The following ARL15 variants were observed in gnomAD, a reference collection of about 807,000 sequenced individuals.
The protein encoded by ARL15 is ADP-ribosylation factor-like protein 15.
Under a neutral mutation model 25.2 loss-of-function variants are expected in ARL15, and 19 were observed. The observed-to-expected ratio is 0.75, with a 90% confidence interval of 0.53 to 1.10. ARL15 has a LOEUF of 1.10. Among genes scored for constraint, ARL15 ranks in the 50% least tolerant of loss-of-function variants. The pLI is 0.00. For synonymous variants in ARL15, 94 were observed against 86.8 expected (o/e 1.08, Z -0.46); for missense variants, 220 against 246.0 (o/e 0.89, Z 0.71).
chr5:54,181,942 G>A (rs1056843631), intron 1 of ARL15, among the ~76,000 whole-genome samples: 5 of 117,630 alleles, frequency 4.3e-5, no homozygotes, highest in East Asian at 5.8e-4. Context: ...CTGCATAAAT[G>A]TCTTCTTTTG....
At chr5:54,090,496 A>G (rs1752098167) in intron 4 of ARL15, among the ~76,000 whole-genome samples, 1 of 151,972 alleles carries the variant, frequency 6.6e-6, no homozygotes, top group Non-Finnish European at 1.5e-5. Context: ...TAGAGGATGC[A>G]TGAAAATGAG....
intron 1 of ARL15, among the ~76,000 whole-genome samples, chr5:54,173,693 T>C (rs977883119): frequency 6.6e-6 from 1 of 152,024 alleles, no homozygotes; most frequent in Non-Finnish European, 1.5e-5. Flanking sequence ...CCCCCTATTC[T>C]CCACATTGCA....
chr5:54,111,257 C>T (rs779637498), intron 4 of ARL15, among the ~76,000 whole-genome samples: 1 of 151,950 alleles, frequency 6.6e-6, no homozygotes, highest in Admixed American at 6.6e-5. Context: ...AAACTCAAAG[C>T]CACATATGCT....
chr5:53,888,416 G>A (rs1300402815), intron 4 of ARL15, among the ~76,000 whole-genome samples: 2 of 152,012 alleles, frequency 1.3e-5, no homozygotes, highest in Admixed American at 1.3e-4. Flanking sequence ...CAGTAGCTGG[G>A]ACCATAGGTG....
chr5:54,022,828 C>A (rs972829427), intron 4 of ARL15, among the ~76,000 whole-genome samples: 1 of 152,084 alleles, frequency 6.6e-6, no homozygotes. Context: ...AATTATTGAA[C>A]CTTCAAAGGA....
At chr5:53,941,308 G>A (rs1746533540) in intron 4 of ARL15, among the ~76,000 whole-genome samples, 1 of 152,078 alleles carries the variant, frequency 6.6e-6, no homozygotes, top group South Asian at 2.1e-4. Context: ...ACAGAACTAC[G>A]TGGAAAACTT....
intron 4 of ARL15, among the ~76,000 whole-genome samples, chr5:54,018,871 T>G (rs1431135459): frequency 1.3e-4 from 20 of 152,174 alleles, no homozygotes; most frequent in Non-Finnish European, 1.9e-4. Context: ...AAAACAGAAC[T>G]AAACACCCGG....
intron 1 of ARL15, among the ~76,000 whole-genome samples, chr5:54,215,947 A>G (rs1470152097): frequency 2.6e-5 from 4 of 152,322 alleles, no homozygotes; most frequent in African/African-American, 9.6e-5. Flanking sequence ...GCACTGTGGC[A>G]TTAGATCAAA....
At chr5:54,231,899 G>T (rs901150278) in intron 1 of ARL15, among the ~76,000 whole-genome samples, 4 of 152,064 alleles carry the variant, frequency 2.6e-5, no homozygotes, top group Non-Finnish European at 4.4e-5. Flanking sequence ...CGTAGTCACT[G>T]GGGGACAGAG....
chr5:54,254,137 ACT>A (rs1419958971), intron 1 of ARL15, among the ~76,000 whole-genome samples: 1 of 151,984 alleles, frequency 6.6e-6, no homozygotes, highest in Non-Finnish European at 1.5e-5. Context: ...GGATCTTCAA[ACT>A]CTGTTTCCGT....
intron 4 of ARL15, among the ~76,000 whole-genome samples, chr5:53,951,960 G>A (rs2112119625): frequency 6.7e-6 from 1 of 150,226 alleles, no homozygotes. Flanking sequence ...CTGTGATTTT[G>A]GAAATTGTGT....
intron 1 of ARL15, among the ~76,000 whole-genome samples, chr5:54,186,206 T>G (rs674364): frequency 0.25 from 38,613 of 152,176 alleles, 5,317 homozygotes; most frequent in African/African-American, 0.34. Flanking sequence ...TCACACTGCT[T>G]TAACTGCTGA....
chr5:54,293,329 G>C (rs1339542257), intron 1 of ARL15, among the ~76,000 whole-genome samples: 24 of 152,086 alleles, frequency 1.6e-4, no homozygotes, highest in Non-Finnish European at 5.9e-5. Flanking sequence ...CAGCTTCATT[G>C]TCCTCACTGA....
At chr5:54,234,734 A>G (rs184647592) in intron 1 of ARL15, among the ~76,000 whole-genome samples, 105 of 152,354 alleles carry the variant, frequency 6.9e-4, no homozygotes, top group African/African-American at 2.3e-3. Context: ...GTCAAAAAAG[A>G]GTAAAATGCA....
chr5:54,010,344 A>C (rs532798432), intron 4 of ARL15, among the ~76,000 whole-genome samples: 1 of 152,340 alleles, frequency 6.6e-6, no homozygotes, highest in South Asian at 2.1e-4. Context: ...GACTTCCAAA[A>C]CACTGGTCTA....
chr5:54,047,737 T>A (rs1192955139), intron 4 of ARL15, among the ~76,000 whole-genome samples: 1 of 152,198 alleles, frequency 6.6e-6, no homozygotes, highest in African/African-American at 2.4e-5. Context: ...GTAGGATAAA[T>A]TCTTCCACGG....
intron 3 of ARL15, among the ~76,000 whole-genome samples, chr5:54,125,070 G>GTTTTTTTTTTTTTT (rs1753203668): frequency 1.5e-5 from 2 of 135,942 alleles, no homozygotes; most frequent in African/African-American, 5.8e-5. Context: ...CAAGTTTTTT[G>GTTTTTTTTTTTTTT]TTTTGTTTTG....
chr5:54,276,533 T>C (rs184057073), intron 1 of ARL15, among the ~76,000 whole-genome samples: 53 of 152,360 alleles, frequency 3.5e-4, no homozygotes, highest in Admixed American at 2.2e-3. Flanking sequence ...TACTAAGGCC[T>C]AAGATCGTAC....
intron 4 of ARL15, among the ~76,000 whole-genome samples, chr5:54,013,252 T>C (rs1004479824): frequency 2.0e-5 from 3 of 152,206 alleles, no homozygotes; most frequent in African/African-American, 7.2e-5. Flanking sequence ...AGGTTAAGCA[T>C]CCCTAGTCAG....
Sources: gnomAD v4.1 joint callset for allele counts (sites outside exome capture counted in the v4.1 genomes callset) on GRCh38, gnomAD v4.1.1 for gene constraint, MANE v1.5 for transcripts, NCBI Gene and HGNC (gene_info 2026-07-23, HGNC 2026-07-21) for gene names.